The following PCDHGA6 variants were observed in gnomAD, a reference collection of about 807,000 sequenced individuals.
PCDHGA6 encodes the protein protocadherin gamma subfamily A, 6.
PCDHGA6 carries 41 observed loss-of-function variants against 60.6 expected under a neutral mutation model. The ratio of observed to expected loss-of-function variants is 0.68; its 90% CI spans 0.53 to 0.88. The LOEUF (loss-of-function observed/expected upper bound fraction) is 0.88. Among genes scored for constraint, PCDHGA6 ranks in the 40% least tolerant of loss-of-function variants. The pLI, the probability that PCDHGA6 is intolerant of heterozygous loss-of-function variation, is 0.00. For synonymous variants in PCDHGA6, 594 were observed against 524.4 expected (o/e 1.13, Z -1.81); for missense variants, 1,312 against 1,203.0 (o/e 1.09, Z -1.34).
chr5:141,403,489 C>T (rs187216481), intron 1 of PCDHGA6: 2 of 1,614,050 alleles, frequency 1.2e-6, no homozygotes, highest in East Asian at 2.2e-5. Flanking sequence ...ACCACTTCTC[C>T]CTGAACGTGC....
chr5:141,390,416 T>A, intron 1 of PCDHGA6: 2 of 1,124,674 alleles, frequency 1.8e-6, no homozygotes, highest in Non-Finnish European at 2.5e-6. Context: ...TGTAGTCAGT[T>A]AAAAAGCTGT....
intron 1 of PCDHGA6, chr5:141,396,003 T>G (rs749303972): frequency 2.0e-5 from 3 of 152,232 alleles, no homozygotes; most frequent in Admixed American, 6.5e-5. Flanking sequence ...TTTAAACTGT[T>G]GAAAGTGACT....
In PCDHGA6 at chr5:141,511,829, G is replaced by A. The variant is rs1181369164; in HGVS notation, c.*656G>A. 1 of 156,774 alleles carries A rather than the reference G, an allele frequency of 6.4e-6. No individual in the cohort carries two copies. Among genetic ancestry groups the A allele is most frequent in the Non-Finnish European group, 1.4e-5 (1 of 70,652 alleles). The allele number at this position is 156,774 out of a possible 1,614,324, so 9.7% of individuals were successfully genotyped here. Reference sequence around the variant, plus strand: ...TACCAAGCCTCTTCCCAACGCCCTGGGGACCAGTCTTCTGTTTTGTTTTTC... The same window carrying A: ...TACCAAGCCTCTTCCCAACGCCCTGAGGACCAGTCTTCTGTTTTGTTTTTC... On this transcript the variant is annotated 3_prime_UTR_variant, in exon 4 of 4. Transcript: ENST00000517434.
rs775092851 is a variant in PCDHGA6 at position 141,388,890 on chromosome 5, A to G, written c.2424+12383A>G. ...GCAATGCACAGTGGAGGTAGAAGTC[A>G]TAGATGAAAATGACAACGCCCCAGA... On this transcript the variant is annotated intron_variant, in intron 1 of 3. Coordinates refer to ENST00000517434, the MANE Select transcript of PCDHGA6 (RefSeq NM_018919.3). The G allele has an allele frequency of 3.7e-6, 6 of 1,613,888 alleles. No individual in the cohort carries two copies. The African/African-American group carries it at 6.7e-5, about 18-fold the overall frequency.
At chr5:141,399,402 G>T (rs2093800599) in intron 1 of PCDHGA6, 2 of 1,613,898 alleles carry the variant, frequency 1.2e-6, no homozygotes, top group Non-Finnish European at 1.7e-6. Context: ...ACAGGGGCAA[G>T]CCGCCCCTCT....
intron 1 of PCDHGA6, chr5:141,377,007 T>G (rs985572001): frequency 6.4e-6 from 1 of 155,470 alleles, no homozygotes; most frequent in Non-Finnish European, 1.4e-5. Context: ...TTTTTATTGG[T>G]TGACAGGAAA....
At chr5:141,481,747 T>A (rs1319673737) in intron 1 of PCDHGA6, among the ~76,000 whole-genome samples, 3 of 151,684 alleles carry the variant, frequency 2.0e-5, no homozygotes, top group African/African-American at 7.3e-5. Flanking sequence ...AGGTCAGGAG[T>A]CCAAGACCAG....
intron 1 of PCDHGA6, chr5:141,415,740 GTTTTTTTTTTTTTTTTTTTTT>G: frequency 1.6e-6 from 1 of 617,990 alleles, no homozygotes; most frequent in Non-Finnish European, 2.1e-6. Context: ...GTTTATTAAG[GTTTTTTTTTTTTTTTTTTTTT>G]TTTTTTTTTT....
intron 1 of PCDHGA6, chr5:141,397,991 C>T (rs960718940): frequency 1.5e-6 from 2 of 1,340,100 alleles, no homozygotes; most frequent in African/African-American, 3.0e-5. Context: ...TACACCGCTT[C>T]CTCCTCGGAA....
Position 141,423,752 on chromosome 5 carries a change from G to A in PCDHGA6, c.2424+47245G>A, listed in dbSNP as rs749899386. 4.7e-6 allele frequency: 3 copies of A among 644,956 alleles called. 1 individual carries two copies. The highest frequency in any genetic ancestry group is 1.1e-4 in the South Asian group (2 of 17,914). 40.0% of individuals were successfully genotyped at this position (644,956 alleles called of 1,614,324 possible). ...TTGAGCCTGTTATGAAAACTGTTTGGGGGGGGGGTGGGGCGGCATATATTT... is the reference window on the plus strand; with the variant it reads ...TTGAGCCTGTTATGAAAACTGTTTGAGGGGGGGGTGGGGCGGCATATATTT... On this transcript the variant is annotated intron_variant, in intron 1 of 3. Transcript: ENST00000517434.
chr5:141,428,423 G>C (rs939814279), intron 1 of PCDHGA6: 1 of 440,550 alleles, frequency 2.3e-6, no homozygotes, highest in Non-Finnish European at 4.3e-6. Flanking sequence ...CCTGGTCTCT[G>C]TTCTAAGACT....
chr5:141,384,848 G>A, intron 1 of PCDHGA6: 1 of 1,613,600 alleles, frequency 6.2e-7, no homozygotes, highest in Non-Finnish European at 8.5e-7. Flanking sequence ...CAGGACCACG[G>A]TCAGCCTCCT....
In PCDHGA6 at chr5:141,491,163, C is replaced by T; in HGVS notation, c.2425-3644C>T. On this transcript the variant is annotated intron_variant, in intron 1 of 3. Transcript: ENST00000517434. The surrounding 1 kb of genome is among the most constrained non-coding windows in gnomAD (Gnocchi z 6.9). ...CCTTACTGGAGGATGACTCTGACAC[C>T]CAGCAGGTGGTGGTCCTGGTGAGGG... is the stretch of plus-strand genomic sequence containing the variant. 1 of 1,614,092 alleles carries T rather than the reference C, an allele frequency of 6.2e-7. No homozygotes were observed. Among genetic ancestry groups the T allele is most frequent in the Non-Finnish European group, 8.5e-7 (1 of 1,179,950 alleles).
chr5:141,456,229 C>G (rs191169523), intron 1 of PCDHGA6, among the ~76,000 whole-genome samples: 9 of 152,234 alleles, frequency 5.9e-5, no homozygotes, highest in African/African-American at 1.7e-4. Context: ...ATCAAACTAA[C>G]TGCTGTTAGG....
intron 1 of PCDHGA6, chr5:141,409,341 G>A (rs753232321): frequency 1.9e-6 from 3 of 1,613,976 alleles, no homozygotes; most frequent in Non-Finnish European, 2.5e-6. Flanking sequence ...GGAGGAAATG[G>A]AGAAGTCAGG....
intron 1 of PCDHGA6, chr5:141,388,571 C>G: frequency 9.3e-6 from 15 of 1,613,830 alleles, no homozygotes; most frequent in Non-Finnish European, 1.2e-5. Flanking sequence ...CACAGATACA[C>G]GTTCTAGTGA....
intron 1 of PCDHGA6, chr5:141,404,120 C>T (rs1224189151): frequency 1.2e-6 from 2 of 1,613,312 alleles, no homozygotes; most frequent in East Asian, 4.5e-5. Flanking sequence ...CCAGGAGAAT[C>T]TATCTTTTAC....
intron 1 of PCDHGA6, chr5:141,400,460 G>GTGAT (rs760132234): frequency 6.2e-7 from 1 of 1,613,938 alleles, no homozygotes. Context: ...ATACTTTGTG[G>GTGAT]TGATTCATCT....
intron 2 of PCDHGA6, among the ~76,000 whole-genome samples, chr5:141,500,189 TTTATTTA>T (rs1562193869): frequency 4.5e-5 from 5 of 110,894 alleles, no homozygotes; most frequent in African/African-American, 1.8e-4. Context: ...TTTATTTTTA[TTTATTTA>T]TTTATTTATT....
Sources: allele counts gnomAD v4.1 joint callset (sites outside exome capture counted in the v4.1 genomes callset), GRCh38; gene constraint gnomAD v4.1.1; non-coding constraint Gnocchi (gnomAD v3.1); transcripts MANE v1.5; gene names NCBI Gene and HGNC (gene_info 2026-07-23, HGNC 2026-07-21).